Variants in PDE7A observed in about 807,000 individuals in gnomAD.
PDE7A encodes the protein high affinity 3',5'-cyclic-AMP phosphodiesterase 7A.
PDE7A carries 39 observed loss-of-function variants against 64.3 expected under a neutral mutation model. The observed-to-expected ratio is 0.61, with a 90% CI of 0.47 to 0.79. PDE7A has a LOEUF of 0.79. Ranked by LOEUF, PDE7A falls within the 30% of genes least tolerant of loss-of-function variation. The pLI, the probability that PDE7A is intolerant of heterozygous loss-of-function variation, is 0.00. For synonymous variants in PDE7A, 203 were observed against 206.8 expected, an observed-to-expected ratio of 0.98 and a Z score of 0.16; for missense variants, 470 against 582.8, an observed-to-expected ratio of 0.81 and a Z score of 1.99.
chr8:65,735,884 C>G (rs937807164), intron 6 of PDE7A, among the ~76,000 whole-genome samples: 4 of 152,106 alleles, frequency 2.6e-5, no homozygotes, highest in Non-Finnish European at 5.9e-5. Context: ...CTCGGCCTCC[C>G]AAAATGCTGG....
rs185113608 is a variant in PDE7A at position 65,763,088 on chromosome 8, T to C, written c.284-15285A>G. Among the ~76,000 whole-genome samples, 773 of 151,148 alleles carry C rather than the reference T, an allele frequency of 5.1e-3. 6 individuals carry two copies. The highest frequency in any genetic ancestry group is 6.3e-3 in the Non-Finnish European group (426 of 67,840). On this transcript the variant is annotated intron_variant, in intron 3 of 12. Coordinates refer to ENST00000401827, the MANE Select transcript of PDE7A (RefSeq NM_001242318.3). Reference sequence around the variant, plus strand: ...TTCAGTATGAACCAAAGAAATAAATTAGCCACTCGTAATCTAAAAATTAGA... The same window carrying C: ...TTCAGTATGAACCAAAGAAATAAATCAGCCACTCGTAATCTAAAAATTAGA...
intron 1 of PDE7A, among the ~76,000 whole-genome samples, chr8:65,824,548 T>C (rs1370747838): frequency 6.6e-6 from 1 of 152,144 alleles, no homozygotes; most frequent in Non-Finnish European, 1.5e-5. Context: ...GGAAAGTCCA[T>C]CAATGCAGCA....
chr8:65,724,364 A>C lies in PDE7A; in HGVS notation c.1066-13T>G. ...ATTTCAAAGCCATCTAGCAAACAAA[A>C]CATTAATATTGTTTTAAGATATATA... On this transcript the variant is annotated splice_polypyrimidine_tract_variant and intron_variant, in intron 10 of 12. Transcript: ENST00000401827. The C allele has an allele frequency of 6.3e-7, 1 of 1,585,002 alleles. No individual in the cohort carries two copies. The highest frequency in any genetic ancestry group is 2.2e-5 in the East Asian group (1 of 44,644).
At chr8:65,734,274 C>G (rs1585842134) in intron 7 of PDE7A, among the ~76,000 whole-genome samples, 1 of 152,178 alleles carries the variant, frequency 6.6e-6, no homozygotes, top group Admixed American at 6.5e-5. Context: ...TTCACCACCA[C>G]ATCCTGTTCA....
At chr8:65,797,005 A>T (rs538080909) in intron 1 of PDE7A, among the ~76,000 whole-genome samples, 5 of 152,324 alleles carry the variant, frequency 3.3e-5, no homozygotes, top group Non-Finnish European at 7.4e-5. Flanking sequence ...GTTTGATATT[A>T]AAAAAATCAA....
At chr8:65,770,121 CTGTGTGTGTGTGTGTG>C (rs10608556) in intron 3 of PDE7A, among the ~76,000 whole-genome samples, 81 of 146,556 alleles carry the variant, frequency 5.5e-4, no homozygotes, top group African/African-American at 1.6e-3. Flanking sequence ...CAGTATACTT[CTGTGTGTGTGTGTGTG>C]TGTGTGTGTG....
chr8:65,759,716 G>T (rs1057510462), intron 3 of PDE7A, among the ~76,000 whole-genome samples: 1 of 151,976 alleles, frequency 6.6e-6, no homozygotes, highest in Non-Finnish European at 1.5e-5. Flanking sequence ...TTTAAAGGGG[G>T]TTTTTCCTAA....
At chr8:65,808,848 C>A (rs1216367189) in intron 1 of PDE7A, among the ~76,000 whole-genome samples, 1 of 152,046 alleles carries the variant, frequency 6.6e-6, no homozygotes, top group Non-Finnish European at 1.5e-5. Context: ...CTGGGTGATT[C>A]TTTGTTGCTA....
chr8:65,762,816 A>G lies in PDE7A; in HGVS notation c.284-15013T>C, dbSNP rs189235840. ...ATTGGAAACATTTAAAATATTTCAG[A>G]ATAAGCATACAATCTCATTACCATA... On this transcript the variant is annotated intron_variant, in intron 3 of 12. Transcript: ENST00000401827. Among the ~76,000 whole-genome samples, 132 of 152,308 alleles carry G rather than the reference A, an allele frequency of 8.7e-4. 1 individual carries two copies. Among genetic ancestry groups the G allele is most frequent in the African/African-American group, 3.0e-3 (124 of 41,576 alleles).
chr8:65,760,354 G>A (rs926209561), intron 3 of PDE7A, among the ~76,000 whole-genome samples: 7 of 152,138 alleles, frequency 4.6e-5, no homozygotes, highest in African/African-American at 1.7e-4. Flanking sequence ...TAATATTTTT[G>A]CTATAAAACT....
intron 3 of PDE7A, among the ~76,000 whole-genome samples, chr8:65,754,701 T>C (rs1359899089): frequency 9.6e-5 from 14 of 146,376 alleles, no homozygotes; most frequent in Non-Finnish European, 2.0e-4. Context: ...GCACAGTGGC[T>C]CACGCCTGTA....
chr8:65,805,369 A>G (rs1388379215), intron 1 of PDE7A, among the ~76,000 whole-genome samples: 2 of 152,222 alleles, frequency 1.3e-5, no homozygotes, highest in African/African-American at 4.8e-5. Context: ...GTTGAGCAGA[A>G]AACAATTTTC....
At chr8:65,771,884 C>CAAAAAAAAAAAAAAAAA (rs36101490) in intron 3 of PDE7A, among the ~76,000 whole-genome samples, 3 of 55,790 alleles carry the variant, frequency 5.4e-5, no homozygotes, top group Non-Finnish European at 1.1e-4. Flanking sequence ...CTCCATCTCT[C>CAAAAAAAAAAAAAAAAA]AAAAAAAAAA....
intron 1 of PDE7A, among the ~76,000 whole-genome samples, chr8:65,815,642 CTACA>C (rs57258316): frequency 0.48 from 72,188 of 151,594 alleles, 20,077 homozygotes; most frequent in African/African-American, 0.77. Context: ...TCAAAGTGTG[CTACA>C]TACAGGGAGA....
At chr8:65,833,970 CAA>C (rs981585010) in intron 1 of PDE7A, among the ~76,000 whole-genome samples, 1 of 151,756 alleles carries the variant, frequency 6.6e-6, no homozygotes, top group Non-Finnish European at 1.5e-5. Flanking sequence ...CAAAACAAAA[CAA>C]AAAAACACCA....
intron 1 of PDE7A, among the ~76,000 whole-genome samples, chr8:65,829,147 A>C (rs946655216): frequency 2.0e-5 from 3 of 152,150 alleles, no homozygotes; most frequent in African/African-American, 7.2e-5. Context: ...TTCATACATA[A>C]CAGTGCTAGA....
At chr8:65,740,561 C>T (rs1331950332) in intron 5 of PDE7A, among the ~76,000 whole-genome samples, 1 of 152,128 alleles carries the variant, frequency 6.6e-6, no homozygotes, top group African/African-American at 2.4e-5. Context: ...CCACCAAGCC[C>T]GGCTAATTTT....
At chr8:65,734,685 G>T in intron 7 of PDE7A, 109 bp downstream of exon 7, 1 of 673,308 alleles carries the variant, frequency 1.5e-6, no homozygotes, top group East Asian at 2.6e-5. Flanking sequence ...TTCTTGTGAA[G>T]GAAGTCTGTG....
At chr8:65,790,266 T>A (rs1316638836) in intron 1 of PDE7A, among the ~76,000 whole-genome samples, 2 of 152,178 alleles carry the variant, frequency 1.3e-5, no homozygotes, top group Non-Finnish European at 2.9e-5. Context: ...TGTGGGGGTG[T>A]CTTGTCTGAA....
Sources: gnomAD v4.1 joint callset for allele counts (sites outside exome capture counted in the v4.1 genomes callset) on GRCh38, gnomAD v4.1.1 for gene constraint, MANE v1.5 for transcripts, NCBI Gene and HGNC (gene_info 2026-07-23, HGNC 2026-07-21) for gene names.